Variants in EYS observed in about 807,000 individuals in gnomAD.
EYS encodes the protein EGF-like photoreceptor maintenance factor.
In EYS, 250 loss-of-function variants were observed where a neutral mutation model predicts 282.1. That is an observed-to-expected ratio of 0.89 (90% CI 0.80 to 0.98). The LOEUF (loss-of-function observed/expected upper bound fraction) is 0.98, where lower values mean the gene tolerates loss of function less well. Ranked by LOEUF, EYS falls within the 50% of genes least tolerant of loss-of-function variation. The probability of loss-of-function intolerance (pLI) is 0.00; values close to 1 mark genes in which losing one functional copy is unlikely to be tolerated. For missense variants in EYS, 4,016 were observed against 3,709.0 expected (o/e 1.08, Z -2.15); for synonymous variants, 1,355 against 1,282.9 (o/e 1.06, Z -1.20).
intron 8 of EYS, among the ~76,000 whole-genome samples, chr6:65,356,205 A>C (rs906493865): frequency 1.2e-4 from 18 of 152,124 alleles, no homozygotes; most frequent in Non-Finnish European, 1.9e-4. Context: ...CGGCAAAAAA[A>C]TAACAAAACA....
chr6:65,154,917 C>A (rs766379710), intron 12 of EYS, among the ~76,000 whole-genome samples: 4 of 151,296 alleles, frequency 2.6e-5, no homozygotes, highest in African/African-American at 9.7e-5. Flanking sequence ...TCAAAAAGTA[C>A]AATATTAGTT....
intron 24 of EYS, among the ~76,000 whole-genome samples, chr6:64,594,867 A>T (rs571041865): frequency 9.3e-5 from 14 of 150,442 alleles, no homozygotes; most frequent in East Asian, 3.9e-4. Context: ...AAATTATATA[A>T]AAAAAAGAAA....
intron 14 of EYS, among the ~76,000 whole-genome samples, chr6:64,988,051 A>G (rs115271646): frequency 1.1e-4 from 16 of 151,498 alleles, no homozygotes; most frequent in African/African-American, 3.9e-4. Flanking sequence ...AGGCTTTTTT[A>G]AGAATGTAGG....
chr6:63,740,866 A>G (rs1055664814), intron 41 of EYS, among the ~76,000 whole-genome samples: 1 of 152,184 alleles, frequency 6.6e-6, no homozygotes, highest in Non-Finnish European at 1.5e-5. Flanking sequence ...AAGGACTCTG[A>G]TTTAGTAAGT....
intron 24 of EYS, among the ~76,000 whole-genome samples, chr6:64,596,616 C>T (rs569077540): frequency 6.6e-6 from 1 of 152,172 alleles, no homozygotes; most frequent in African/African-American, 2.4e-5. Flanking sequence ...AGAAAGAATG[C>T]TATCTTCAAT....
intron 31 of EYS, among the ~76,000 whole-genome samples, chr6:64,218,578 G>A (rs900132484): frequency 2.0e-5 from 3 of 152,094 alleles, no homozygotes; most frequent in African/African-American, 7.2e-5. Context: ...AAAAAGACTC[G>A]ATCACACAAA....
At chr6:64,135,702 T>G (rs941893818) in intron 31 of EYS, among the ~76,000 whole-genome samples, 1 of 152,122 alleles carries the variant, frequency 6.6e-6, no homozygotes, top group Non-Finnish European at 1.5e-5. Flanking sequence ...AAAGCTATGT[T>G]TACATTATAC....
chr6:65,560,511 G>A (rs934557300), intron 2 of EYS, among the ~76,000 whole-genome samples: 11 of 149,348 alleles, frequency 7.4e-5, no homozygotes, highest in African/African-American at 2.7e-4. Context: ...TCAAAAATAC[G>A]TGTGTGTATG....
At position 63,806,300 on chromosome 6, in the gene EYS, C is replaced by T. The variant is rs1316019179; in HGVS notation, c.7301G>A (p.Arg2434Gln). 4 of 1,551,580 alleles carry T rather than the reference C, an allele frequency of 2.6e-6. No homozygotes were observed. Among genetic ancestry groups the T allele is most frequent in the South Asian group, 1.2e-5 (1 of 84,048 alleles). The part of the protein sequence containing the change: ...FGYTSFLAYS[R>Q]ISDISFHYEF... The stretch of plus-strand genomic sequence containing the variant: ...ATAATGGAAGCTGATGTCTGAGATC[C>T]GTGAATAAGCCAGGAATGAGGTGTA... The change falls in exon 37 of 43, where the codon CGG (arginine) becomes CAG (glutamine). Residue 2434 changes from arginine (R) to glutamine (Q), a missense_variant. Arg to Gln is a conservative substitution (Grantham distance 43). Coordinates refer to ENST00000503581, the MANE Select transcript of EYS (RefSeq NM_001142800.2).
chr6:65,185,702 T>A (rs991150969), intron 12 of EYS, among the ~76,000 whole-genome samples: 6 of 151,820 alleles, frequency 4.0e-5, no homozygotes, highest in African/African-American at 1.4e-4. Context: ...TGTTTTTTCT[T>A]AGGAGAATGG....
At chr6:63,813,180 G>C (rs947876732) in intron 36 of EYS, among the ~76,000 whole-genome samples, 1 of 151,956 alleles carries the variant, frequency 6.6e-6, no homozygotes, top group African/African-American at 2.4e-5. Flanking sequence ...GGGTTTCACC[G>C]TGTTGCCCAG....
intron 16 of EYS, among the ~76,000 whole-genome samples, chr6:64,906,408 T>C (rs1767828570): frequency 6.6e-6 from 1 of 152,194 alleles, no homozygotes; most frequent in Non-Finnish European, 1.5e-5. Flanking sequence ...AACAGGTATG[T>C]GCTACAACAT....
chr6:64,388,632 T>C, intron 29 of EYS, 58 bp downstream of exon 29: 1 of 1,360,800 alleles, frequency 7.3e-7, no homozygotes. Context: ...TTTATCAATA[T>C]GATGATTTTC....
chr6:64,048,998 A>G (rs1770721286), intron 33 of EYS, among the ~76,000 whole-genome samples: 1 of 152,136 alleles, frequency 6.6e-6, no homozygotes, highest in South Asian at 2.1e-4. Context: ...CCATCTTCAA[A>G]TCTCAAGTGG....
chr6:65,169,390 ATATT>A (rs1765051258), intron 12 of EYS, among the ~76,000 whole-genome samples: 1 of 151,492 alleles, frequency 6.6e-6, no homozygotes, highest in African/African-American at 2.4e-5. Flanking sequence ...GTTTGCATAA[ATATT>A]TAATTGCTAT....
At chr6:64,431,450 A>G (rs1375248313) in intron 28 of EYS, among the ~76,000 whole-genome samples, 1 of 152,162 alleles carries the variant, frequency 6.6e-6, no homozygotes. Flanking sequence ...AATTTAATCC[A>G]TAAAAGAGCC....
At chr6:64,581,342 T>G (rs1766059794) in intron 26 of EYS, among the ~76,000 whole-genome samples, 1 of 152,068 alleles carries the variant, frequency 6.6e-6, no homozygotes, top group East Asian at 1.9e-4. Flanking sequence ...CCGAGCTACA[T>G]ACAAAATGTT....
chr6:65,087,516 C>T (rs1007634287), intron 12 of EYS, among the ~76,000 whole-genome samples: 5 of 152,106 alleles, frequency 3.3e-5, no homozygotes, highest in Admixed American at 3.3e-4. Context: ...TCCTTCTTCT[C>T]ATTCTTTTCA....
At chr6:65,398,019 A>AT (rs1025144224) in intron 7 of EYS, among the ~76,000 whole-genome samples, 3 of 151,984 alleles carry the variant, frequency 2.0e-5, no homozygotes, top group African/African-American at 7.2e-5. Context: ...GATGTTGAGC[A>AT]TTTTTTATAT....
Sources: allele counts gnomAD v4.1 joint callset (sites outside exome capture counted in the v4.1 genomes callset), GRCh38; gene constraint gnomAD v4.1.1; transcripts MANE v1.5; gene names NCBI Gene and HGNC (gene_info 2026-07-23, HGNC 2026-07-21).